REEP5: variants seen among roughly 807,000 people sequenced by gnomAD.
REEP5 encodes the protein receptor expression-enhancing protein 5.
A neutral mutation model predicts 22.4 loss-of-function variants in REEP5; 24 were observed. The observed-to-expected ratio is 1.07, with a 90% CI of 0.78 to 1.51. The LOEUF is 1.51. Ranked by LOEUF, REEP5 falls within the 40% of genes most tolerant of loss-of-function variation. The probability of loss-of-function intolerance (pLI) is 0.00; values close to 1 mark genes in which losing one functional copy is unlikely to be tolerated. For missense variants in REEP5, 252 were observed against 233.0 expected (o/e 1.08, Z -0.53); for synonymous variants, 103 against 88.6 (o/e 1.16, Z -0.92).
intron 2 of REEP5, among the ~76,000 whole-genome samples, chr5:112,916,936 C>T (rs1769244770): frequency 6.6e-6 from 1 of 152,162 alleles, no homozygotes; most frequent in Non-Finnish European, 1.5e-5. Flanking sequence ...GAGATATGTA[C>T]ATATCTGTTA....
At chr5:112,899,621 C>T (rs1326817938) in intron 3 of REEP5, among the ~76,000 whole-genome samples, 2 of 152,014 alleles carry the variant, frequency 1.3e-5, no homozygotes, top group Non-Finnish European at 2.9e-5. Flanking sequence ...ATACAGTTGA[C>T]AACAAAAAAT....
At chr5:112,904,204 C>A (rs1300790385) in intron 2 of REEP5, among the ~76,000 whole-genome samples, 1 of 152,146 alleles carries the variant, frequency 6.6e-6, no homozygotes, top group African/African-American at 2.4e-5. Context: ...AATGTATGCA[C>A]AAAGTCTGTA....
At chr5:112,889,871 G>C (rs1481331922) in intron 3 of REEP5, among the ~76,000 whole-genome samples, 2 of 147,322 alleles carry the variant, frequency 1.4e-5, no homozygotes, top group Non-Finnish European at 3.0e-5. Context: ...CTCTTACCCA[G>C]GCTGGAGTGC....
At position 112,881,128 on chromosome 5, in the gene REEP5, C is replaced by CAAAAAA. The variant is rs58737941; in HGVS notation, c.521-2299_521-2294dup. ...TGGGCAACAGAGTGAGACTCTGTTT[C>CAAAAAA]AAAAAAAAAAAAAAAAAAAAAAAGC... On this transcript the variant is annotated intron_variant, in intron 4 of 4. Coordinates refer to ENST00000379638, the MANE Select transcript of REEP5 (RefSeq NM_005669.5). Among the ~76,000 whole-genome samples, 34 of 67,210 alleles carry CAAAAAA rather than the reference C, an allele frequency of 5.1e-4. 3 individuals carry two copies. Among genetic ancestry groups the CAAAAAA allele is most frequent in the African/African-American group, 1.7e-3 (28 of 16,444 alleles). The allele number at this position is 67,210 out of a possible 152,430, so 44.1% of individuals were successfully genotyped here.
rs1197805287 is a variant in REEP5 at position 112,878,607 on chromosome 5, T to G, written c.*179A>C. 1 of 884,744 alleles carries G rather than the reference T, an allele frequency of 1.1e-6. No homozygotes were observed. The highest frequency in any genetic ancestry group is 1.7e-6 in the Non-Finnish European group (1 of 603,438). The allele number at this position is 884,744 out of a possible 1,614,324, so 54.8% of individuals were successfully genotyped here. On this transcript the variant is annotated 3_prime_UTR_variant, in exon 5 of 5. Transcript: ENST00000379638. ...GCCCACTGCATTAAGTTTAAAGTGC[T>G]CCCTATATATATAGACAGTAAAAGT... is the stretch of plus-strand genomic sequence containing the variant.
chr5:112,902,741 C>G (rs1739584170), intron 2 of REEP5, among the ~76,000 whole-genome samples: 1 of 152,112 alleles, frequency 6.6e-6, no homozygotes, highest in South Asian at 2.1e-4. Flanking sequence ...ACCAGAGAAA[C>G]CAGCACCAGC....
At position 112,892,101 on chromosome 5, in the gene REEP5, TA is replaced by T. The variant is rs746641681; in HGVS notation, c.352-4919del. ...ATCAGGCTGAAAATGATTTAGAAAA[TA>T]GTACCACATGGCAAAACCCAGAACC... On this transcript the variant is annotated intron_variant, in intron 3 of 4. Coordinates refer to ENST00000379638, the MANE Select transcript of REEP5 (RefSeq NM_005669.5). 1.6e-5 allele frequency: 26 copies of T among 1,613,464 alleles called. No homozygotes were observed. In the African/African-American group the frequency reaches 3.2e-4, roughly 20 times the overall value.
intron 3 of REEP5, chr5:112,894,124 G>GTTTTTTTTTTT (rs199564515): frequency 5.6e-5 from 8 of 141,744 alleles, no homozygotes; most frequent in Admixed American, 1.4e-4. Context: ...GGTTTTTTTT[G>GTTTTTTTTTTT]TTTTTTTTTT....
rs992884626 is a variant in REEP5, at chr5:112,878,078, G to A, written c.*708C>T. ...ACTAACTAACTAACTGCTTTATAAAGCTATCCTGGTATTCATATGCCATAT... is the reference window on the plus strand; with the variant it reads ...ACTAACTAACTAACTGCTTTATAAAACTATCCTGGTATTCATATGCCATAT... On this transcript the variant is annotated 3_prime_UTR_variant, in exon 5 of 5. Coordinates refer to ENST00000379638, the MANE Select transcript of REEP5 (RefSeq NM_005669.5). 3 of 150,522 alleles carry A rather than the reference G, an allele frequency of 2.0e-5. No homozygotes were observed. The highest frequency in any genetic ancestry group is 7.4e-5 in the African/African-American group (3 of 40,758). 9.3% of individuals were successfully genotyped at this position (150,522 alleles called of 1,614,324 possible). A position where few individuals can be genotyped will look rare whatever the true frequency, so the allele number is the denominator to read the frequency against.
intron 4 of REEP5, among the ~76,000 whole-genome samples, chr5:112,881,128 CAAAAAAAA>C (rs58737941): frequency 7.4e-5 from 5 of 67,218 alleles, no homozygotes; most frequent in South Asian, 7.1e-4. Flanking sequence ...GACTCTGTTT[CAAAAAAAA>C]AAAAAAAAAA....
intron 4 of REEP5, 81 bp from the exon 5 acceptor site, chr5:112,878,916 GTAGCTACTAGA>G: frequency 6.2e-7 from 1 of 1,604,218 alleles, no homozygotes; most frequent in Non-Finnish European, 8.5e-7. Flanking sequence ...TGTGCCTAAT[GTAGCTACTAGA>G]TAACAAAACT....
At chr5:112,903,838 C>G (rs1486668661) in intron 2 of REEP5, among the ~76,000 whole-genome samples, 1 of 152,150 alleles carries the variant, frequency 6.6e-6, no homozygotes. Context: ...CAAGACTAGG[C>G]AAAATTTTTA....
At chr5:112,898,049 ACT>A (rs1768743990) in intron 3 of REEP5, 1 of 152,116 alleles carries the variant, frequency 6.6e-6, no homozygotes, top group Non-Finnish European at 1.5e-5. Context: ...ACAGAGCAAC[ACT>A]CTGTCCCAAA....
intron 4 of REEP5, among the ~76,000 whole-genome samples, chr5:112,886,239 C>T (rs137880695): frequency 2.6e-5 from 4 of 152,326 alleles, no homozygotes; most frequent in East Asian, 3.9e-4. Context: ...CCTGTTTAAA[C>T]GTCATAGATA....
At chr5:112,886,990 G>A in intron 4 of REEP5, 25 bp downstream of exon 4, 2 of 1,557,166 alleles carry the variant, frequency 1.3e-6, no homozygotes, top group Non-Finnish European at 1.8e-6. Flanking sequence ...CTCACATGTG[G>A]GGCCATCTTG....
chr5:112,921,335 G>T, intron 1 of REEP5, 79 bp from the exon 2 acceptor site: 2 of 1,361,340 alleles, frequency 1.5e-6, no homozygotes, highest in Non-Finnish European at 1.0e-6. Flanking sequence ...ACACCGCGAG[G>T]CTGGGCCTGT....
chr5:112,893,068 C>A (rs459102), intron 3 of REEP5: 434,704 of 1,119,448 alleles, frequency 0.39, 90,376 homozygotes, highest in African/African-American at 0.79. Context: ...TCAGAGTCCC[C>A]AATCCAAATA....
intron 2 of REEP5, among the ~76,000 whole-genome samples, chr5:112,912,738 G>C (rs1175392926): frequency 3.9e-5 from 6 of 152,148 alleles, no homozygotes; most frequent in Admixed American, 3.9e-4. Context: ...GCTTTTGGCT[G>C]TATTTATCAG....
intron 2 of REEP5, among the ~76,000 whole-genome samples, chr5:112,916,412 G>T (rs114703157): frequency 6.6e-6 from 1 of 152,162 alleles, no homozygotes; most frequent in Admixed American, 6.5e-5. Flanking sequence ...GCCATTTTCA[G>T]GTGGCCTTGT....
Sources: gnomAD v4.1 joint callset for allele counts (sites outside exome capture counted in the v4.1 genomes callset) on GRCh38, gnomAD v4.1.1 for gene constraint, MANE v1.5 for transcripts, NCBI Gene and HGNC (gene_info 2026-07-23, HGNC 2026-07-21) for gene names.